Variants in DIAPH1 observed in about 807,000 individuals in gnomAD.
The protein encoded by DIAPH1 is protein diaphanous homolog 1.
Under a neutral mutation model 140.7 loss-of-function variants are expected in DIAPH1, and 46 were observed. The observed-to-expected ratio is 0.33, with a 90% confidence interval of 0.26 to 0.42. The LOEUF is 0.42. Among genes scored for constraint, DIAPH1 ranks in the 10% least tolerant of loss-of-function variants. The probability of loss-of-function intolerance (pLI) is 1.00; values close to 1 mark genes in which losing one functional copy is unlikely to be tolerated. For synonymous variants in DIAPH1, 565 were observed against 551.6 expected, an observed-to-expected ratio of 1.02 and a Z score of -0.34; for missense variants, 1,310 against 1,558.7, an observed-to-expected ratio of 0.84 and a Z score of 2.69.
At chr5:141,517,962 G>T (rs1188463438) in intron 27 of DIAPH1, among the ~76,000 whole-genome samples, 2 of 152,164 alleles carry the variant, frequency 1.3e-5, no homozygotes, top group Non-Finnish European at 2.9e-5. Flanking sequence ...ATCTCATGAT[G>T]TTTCCTCCTC....
chr5:141,554,191 C>T (rs1024971014), intron 18 of DIAPH1, among the ~76,000 whole-genome samples: 3 of 152,076 alleles, frequency 2.0e-5, no homozygotes, highest in Non-Finnish European at 2.9e-5. Flanking sequence ...GCAGGAGAAT[C>T]GCTTGAACCT....
chr5:141,550,835 T>A (rs1344722720), intron 18 of DIAPH1, among the ~76,000 whole-genome samples: 4 of 152,190 alleles, frequency 2.6e-5, no homozygotes, highest in Non-Finnish European at 5.9e-5. Flanking sequence ...CCTGCTCTCC[T>A]GGACCTCAAT....
chr5:141,554,815 CA>C (rs543280552), intron 18 of DIAPH1, among the ~76,000 whole-genome samples: 1 of 150,874 alleles, frequency 6.6e-6, no homozygotes. Flanking sequence ...CTCAACAATA[CA>C]AAAAAAAACC....
chr5:141,585,542 C>T (rs750567849), intron 3 of DIAPH1, among the ~76,000 whole-genome samples: 1 of 151,974 alleles, frequency 6.6e-6, no homozygotes, highest in Non-Finnish European at 1.5e-5. Context: ...TGGCTCATGC[C>T]CGTAATCCCA....
At chr5:141,550,154 AAAG>A (rs1204262566) in intron 18 of DIAPH1, among the ~76,000 whole-genome samples, 6 of 152,328 alleles carry the variant, frequency 3.9e-5, no homozygotes, top group Admixed American at 1.3e-4. Context: ...ATTAAAAAAA[AAAG>A]TTTAGTTCAT....
chr5:141,560,952 T>TG (rs1202199402), intron 18 of DIAPH1: 1 of 454,464 alleles, frequency 2.2e-6, no homozygotes, highest in Non-Finnish European at 4.4e-6. Flanking sequence ...GGGGAAGGGG[T>TG]GGAGATGGGA....
chr5:141,604,876 C>G (rs1330341933), intron 1 of DIAPH1, among the ~76,000 whole-genome samples: 2 of 151,996 alleles, frequency 1.3e-5, no homozygotes, highest in African/African-American at 4.8e-5. Flanking sequence ...TTGAAAAAAT[C>G]TTAGGGAGGA....
In DIAPH1 at chr5:141,529,711, A is replaced by G. The variant is rs1388825680; in HGVS notation, c.2582-14T>C. On this transcript the variant is annotated splice_polypyrimidine_tract_variant and intron_variant, in intron 19 of 27. Coordinates refer to ENST00000389054, the MANE Select transcript of DIAPH1 (RefSeq NM_005219.5). ...CCAAAAAGATTGCTGCCAGAAAATGAGATATTAAGACATGTTCTTCTCGGT... is the reference window on the plus strand; with the variant it reads ...CCAAAAAGATTGCTGCCAGAAAATGGGATATTAAGACATGTTCTTCTCGGT... 6.2e-7 allele frequency: 1 copy of G among 1,605,270 alleles called. No homozygotes were observed.
chr5:141,618,176 G>C (rs1245663538), intron 1 of DIAPH1, among the ~76,000 whole-genome samples: 1 of 152,230 alleles, frequency 6.6e-6, no homozygotes, highest in African/African-American at 2.4e-5. Flanking sequence ...AGTGACCATA[G>C]GACCTGGGCA....
intron 19 of DIAPH1, 43 bp downstream of exon 19, chr5:141,534,292 A>T (rs2099888703): frequency 3.5e-6 from 5 of 1,439,272 alleles, no homozygotes; most frequent in Non-Finnish European, 4.9e-6. Flanking sequence ...TTCTTAAAAG[A>T]ATTCCTTCAC....
At chr5:141,610,425 C>T (rs1009408536) in intron 1 of DIAPH1, among the ~76,000 whole-genome samples, 21 of 152,108 alleles carry the variant, frequency 1.4e-4, no homozygotes, top group African/African-American at 3.9e-4. Context: ...CTCAGCCTCC[C>T]GAGTAGCTGG....
At chr5:141,551,844 T>C (rs1462439510) in intron 18 of DIAPH1, among the ~76,000 whole-genome samples, 1 of 152,146 alleles carries the variant, frequency 6.6e-6, no homozygotes, top group Non-Finnish European at 1.5e-5. Flanking sequence ...CTGAAGACCA[T>C]ATACGTGTTC....
At chr5:141,577,613 A>AGGAAAGCAAATATGC (rs770601147) in intron 11 of DIAPH1, 22 bp from the exon 12 acceptor site, 82 of 1,474,280 alleles carry the variant, frequency 5.6e-5, no homozygotes, top group Middle Eastern at 1.7e-4. Flanking sequence ...AAATAGGCTA[A>AGGAAAGCAAATATGC]GGAAAGCAAA....
At chr5:141,529,565 A>C in intron 20 of DIAPH1, 38 bp downstream of exon 20, 1 of 1,530,266 alleles carries the variant, frequency 6.5e-7, no homozygotes, top group Non-Finnish European at 9.1e-7. Flanking sequence ...CCAGCGACAC[A>C]GAAGAGCCTG....
intron 18 of DIAPH1, among the ~76,000 whole-genome samples, chr5:141,547,698 A>G (rs2099891023): frequency 6.6e-6 from 1 of 152,180 alleles, no homozygotes; most frequent in Admixed American, 6.5e-5. Flanking sequence ...ATGGTCCAAC[A>G]TATGTATAAC....
At chr5:141,549,008 A>AAAAACAG (rs1409811195) in intron 18 of DIAPH1, among the ~76,000 whole-genome samples, 2 of 152,198 alleles carry the variant, frequency 1.3e-5, no homozygotes, top group African/African-American at 4.8e-5. Flanking sequence ...GTAAGAGGGC[A>AAAAACAG]AAAACAGAAA....
rs745960805 is a variant in DIAPH1, at chr5:141,534,371, A to T, written c.2545T>A (p.Leu849Ile). The T allele has an allele frequency of 3.7e-6, 6 of 1,613,578 alleles. No individual in the cohort carries two copies. In the African/African-American group the frequency reaches 8.0e-5, roughly 22 times the overall value. The change falls in exon 19 of 28, where the codon TTA becomes ATA. Residue 849 changes from leucine (L) to isoleucine (I), a missense_variant. Around this residue, in one of 3 missense-constraint regions of DIAPH1, gnomAD observed 589 missense variants for 549.3 expected, o/e 1.07. Transcript: ENST00000389054. The part of the protein sequence containing the change: ...KSVQKKKVKE[L>I]KVLDSKTAQN... ...GCTGTCTTTGAATCCAACACCTTTA[A>T]CTCTTTTACTTTTTTCTTTTGCACA...
At chr5:141,591,687 G>A (rs1416305192) in intron 1 of DIAPH1, among the ~76,000 whole-genome samples, 1 of 82,470 alleles carries the variant, frequency 1.2e-5, no homozygotes, top group Admixed American at 1.2e-4. Context: ...GGAAGGAAGG[G>A]AGATGGGGAT....
At chr5:141,598,480 A>G (rs1029512132) in intron 1 of DIAPH1, among the ~76,000 whole-genome samples, 1 of 152,220 alleles carries the variant, frequency 6.6e-6, no homozygotes, top group Non-Finnish European at 1.5e-5. Context: ...CAAAAATAAC[A>G]GCATCAAATA....
Sources: allele counts gnomAD v4.1 joint callset (sites outside exome capture counted in the v4.1 genomes callset), GRCh38; gene constraint gnomAD v4.1.1; regional missense constraint gnomAD v4.1.1; transcripts MANE v1.5; gene names NCBI Gene and HGNC (gene_info 2026-07-23, HGNC 2026-07-21).